ZC2HC1A: variants seen among roughly 807,000 people sequenced by gnomAD.
ZC2HC1A encodes zinc finger C2HC domain-containing protein 1A.
Under a neutral mutation model 40.7 loss-of-function variants are expected in ZC2HC1A, and 28 were observed. The ratio of observed to expected loss-of-function variants is 0.69; its 90% confidence interval spans 0.51 to 0.94. The LOEUF (loss-of-function observed/expected upper bound fraction) is 0.94. ZC2HC1A is among the 40% of genes least tolerant of loss of function. ZC2HC1A has a pLI of 0.00. For synonymous variants in ZC2HC1A, 129 were observed against 129.2 expected, an observed-to-expected ratio of 1.00 and a Z score of 0.01; for missense variants, 389 against 386.3, an observed-to-expected ratio of 1.01 and a Z score of -0.06.
intron 6 of ZC2HC1A, among the ~76,000 whole-genome samples, 176 bp downstream of exon 6, chr8:78,697,682 C>CTT (rs370060109): frequency 1.4e-5 from 2 of 139,686 alleles, no homozygotes; most frequent in African/African-American, 2.6e-5. Context: ...TACTTTTAAC[C>CTT]TTTTTTTTTT....
chr8:78,700,627 T>G (rs1810570136), intron 7 of ZC2HC1A, among the ~76,000 whole-genome samples: 1 of 152,188 alleles, frequency 6.6e-6, no homozygotes, highest in East Asian at 1.9e-4. Flanking sequence ...TCCAGGGTTT[T>G]TATAGTTTTT....
intron 2 of ZC2HC1A, among the ~76,000 whole-genome samples, chr8:78,677,101 G>C (rs956711268): frequency 6.6e-6 from 1 of 152,046 alleles, no homozygotes; most frequent in Non-Finnish European, 1.5e-5. Context: ...AGCCTAAGAG[G>C]CTGCAAGACA....
chr8:78,674,745 A>G (rs1809526189), intron 1 of ZC2HC1A, among the ~76,000 whole-genome samples: 3 of 152,190 alleles, frequency 2.0e-5, no homozygotes, highest in African/African-American at 7.2e-5. Flanking sequence ...ATTCTTACCA[A>G]TATCTATTTT....
intron 1 of ZC2HC1A, among the ~76,000 whole-genome samples, chr8:78,670,540 C>A (rs1429735773): frequency 6.6e-6 from 1 of 152,050 alleles, no homozygotes; most frequent in Non-Finnish European, 1.5e-5. Flanking sequence ...GGTTAATGTA[C>A]CATTTTCCAA....
chr8:78,695,555 T>C (rs1810373018), intron 5 of ZC2HC1A, among the ~76,000 whole-genome samples: 1 of 152,182 alleles, frequency 6.6e-6, no homozygotes, highest in Non-Finnish European at 1.5e-5. Flanking sequence ...ATTAACTCTG[T>C]TTTTATAGAC....
intron 2 of ZC2HC1A, 67 bp from the exon 3 acceptor site, chr8:78,678,496 A>G: frequency 1.6e-6 from 2 of 1,245,230 alleles, no homozygotes; most frequent in Non-Finnish European, 2.3e-6. Flanking sequence ...CTCAATGTAA[A>G]TAAAGTTCTG....
chr8:78,717,873 CA>C lies in ZC2HC1A; in HGVS notation c.*386del, dbSNP rs1472526596. Reference sequence around the variant, plus strand: ...GCTTTAGGATAAGTATAACTTTGAGCAAAAAATTTGGATAAACATTTGTATT... The same window carrying C: ...GCTTTAGGATAAGTATAACTTTGAGCAAAAATTTGGATAAACATTTGTATT... On this transcript the variant is annotated 3_prime_UTR_variant, in exon 9 of 9. Transcript: ENST00000263849. 1 of 156,896 alleles carries C rather than the reference CA, an allele frequency of 6.4e-6. No individual in the cohort carries two copies. The highest frequency in any genetic ancestry group is 1.4e-5 in the Non-Finnish European group (1 of 70,868). 9.7% of individuals were successfully genotyped at this position (156,896 alleles called of 1,614,324 possible).
chr8:78,678,451 A>G (rs1809655965), intron 2 of ZC2HC1A, 112 bp from the exon 3 acceptor site: 3 of 732,650 alleles, frequency 4.1e-6, no homozygotes, highest in Non-Finnish European at 6.8e-6. Flanking sequence ...TTTTGTATTC[A>G]GGTTTTTCAT....
Position 78,719,679 on chromosome 8 carries a change from A to G in ZC2HC1A, c.*2186A>G, listed in dbSNP as rs909398445. On this transcript the variant is annotated 3_prime_UTR_variant, in exon 9 of 9. Transcript: ENST00000263849. ...GAAAAAGATGATTGTGGTGACTATT[A>G]TTTCTTGTCCACTATTTGTTTTTTG... 3.3e-5 allele frequency: 5 copies of G among 151,712 alleles called. No individual in the cohort carries two copies. Among genetic ancestry groups the G allele is most frequent in the African/African-American group, 7.2e-5 (3 of 41,422 alleles). 9.4% of individuals were successfully genotyped at this position (151,712 alleles called of 1,614,324 possible).
At chr8:78,703,395 T>C (rs1381978509) in intron 7 of ZC2HC1A, among the ~76,000 whole-genome samples, 7 of 152,338 alleles carry the variant, frequency 4.6e-5, no homozygotes, top group Non-Finnish European at 1.0e-4. Flanking sequence ...CCCACTATTA[T>C]CGTGTGAGAG....
intron 7 of ZC2HC1A, among the ~76,000 whole-genome samples, chr8:78,706,419 A>G (rs923225636): frequency 6.6e-6 from 1 of 152,098 alleles, no homozygotes; most frequent in Non-Finnish European, 1.5e-5. Flanking sequence ...AAGACTCCCC[A>G]TATCTGTATG....
intron 7 of ZC2HC1A, among the ~76,000 whole-genome samples, chr8:78,703,444 G>A (rs1372293554): frequency 6.6e-6 from 1 of 152,006 alleles, no homozygotes; most frequent in Non-Finnish European, 1.5e-5. Context: ...CTTGGTTTAT[G>A]AATCTGAGTG....
Position 78,717,474 on chromosome 8 carries a change from T to C in ZC2HC1A, c.959T>C (p.Ile320Thr). ...GCCAAATTTTGCTGTGAATGTGGCA[T>C]TCGAAGAATGATTCTATGAATAGAA... ...EWAKFCCECG[I>T]RRMIL The change falls in exon 9 of 9, where the codon ATT becomes ACT. Residue 320 changes from isoleucine to threonine, a missense_variant. Transcript: ENST00000263849. 1 of 1,585,548 alleles carries C rather than the reference T, an allele frequency of 6.3e-7. No homozygotes were observed. Among genetic ancestry groups the C allele is most frequent in the Non-Finnish European group, 8.5e-7 (1 of 1,171,662 alleles).
chr8:78,684,658 G>A (rs1809903252), intron 3 of ZC2HC1A, among the ~76,000 whole-genome samples: 1 of 152,134 alleles, frequency 6.6e-6, no homozygotes. Flanking sequence ...AGGAGTAAAG[G>A]GAAGTAATGT....
intron 4 of ZC2HC1A, among the ~76,000 whole-genome samples, chr8:78,688,985 C>T (rs1810116619): frequency 6.7e-6 from 1 of 150,204 alleles, no homozygotes; most frequent in African/African-American, 2.4e-5. Flanking sequence ...TTTTCCTTCA[C>T]ACATTTGATT....
At position 78,718,832 on chromosome 8, in the gene ZC2HC1A, C is replaced by T. The variant is rs908573470; in HGVS notation, c.*1339C>T. The T allele has an allele frequency of 6.6e-6, 1 of 151,474 alleles. No individual in the cohort carries two copies. Among genetic ancestry groups the T allele is most frequent in the African/African-American group, 2.4e-5 (1 of 41,340 alleles). The allele number at this position is 151,474 out of a possible 1,614,324, so 9.4% of individuals were successfully genotyped here. On this transcript the variant is annotated 3_prime_UTR_variant, in exon 9 of 9. Coordinates refer to ENST00000263849, the MANE Select transcript of ZC2HC1A (RefSeq NM_016010.3). The stretch of plus-strand genomic sequence containing the variant: ...CAAACCTAAGAGAGCTTTGATCTTA[C>T]TGTAAAGGTACAAACAAATCTCTTA...
chr8:78,680,247 T>TCCG (rs1374786233), intron 3 of ZC2HC1A, among the ~76,000 whole-genome samples: 1 of 120,706 alleles, frequency 8.3e-6, no homozygotes, highest in African/African-American at 3.2e-5. Context: ...CAAAGTACAG[T>TCCG]CCGCAGTCCG....
intron 3 of ZC2HC1A, among the ~76,000 whole-genome samples, chr8:78,680,846 A>T (rs1809753700): frequency 6.6e-6 from 1 of 152,128 alleles, no homozygotes; most frequent in Admixed American, 6.6e-5. Context: ...ATCAGATAGT[A>T]TCTTTATCTC....
chr8:78,682,195 A>C (rs569662973), intron 3 of ZC2HC1A, among the ~76,000 whole-genome samples: 2 of 152,294 alleles, frequency 1.3e-5, no homozygotes, highest in South Asian at 4.1e-4. Context: ...AGTGGAGGAC[A>C]CTAGAGGCAG....
Sources: gnomAD v4.1 joint callset for allele counts (sites outside exome capture counted in the v4.1 genomes callset) on GRCh38, gnomAD v4.1.1 for gene constraint, MANE v1.5 for transcripts, NCBI Gene and HGNC (gene_info 2026-07-23, HGNC 2026-07-21) for gene names.